Variants in CDYL2 observed in about 807,000 individuals in gnomAD.
CDYL2 encodes the protein chromodomain Y-like protein 2.
Under a neutral mutation model 49.4 loss-of-function variants are expected in CDYL2, and 23 were observed. The ratio of observed to expected loss-of-function variants is 0.47; its 90% CI spans 0.34 to 0.66. CDYL2 has a LOEUF of 0.66. Ranked by LOEUF, CDYL2 falls within the 30% of genes least tolerant of loss-of-function variation. CDYL2 has a pLI of 0.01. For missense variants in CDYL2, 678 were observed against 656.4 expected, an observed-to-expected ratio of 1.03 and a Z score of -0.36; for synonymous variants, 360 against 268.8, an observed-to-expected ratio of 1.34 and a Z score of -3.32.
At chr16:80,713,494 C>A (rs1205679500) in intron 1 of CDYL2, among the ~76,000 whole-genome samples, 2 of 152,110 alleles carry the variant, frequency 1.3e-5, no homozygotes, top group East Asian at 3.9e-4. Context: ...GCCCAGAGCA[C>A]CAAAGGTCCC....
chr16:80,723,845 G>A (rs891206647), intron 1 of CDYL2, among the ~76,000 whole-genome samples: 7 of 151,914 alleles, frequency 4.6e-5, no homozygotes, highest in African/African-American at 9.7e-5. Context: ...AGAAACAGAG[G>A]AGAGTGAGGA....
chr16:80,687,444 G>T (rs1230958062), intron 1 of CDYL2, among the ~76,000 whole-genome samples: 1 of 152,098 alleles, frequency 6.6e-6, no homozygotes, highest in African/African-American at 2.4e-5. Context: ...ATGGTGGGAT[G>T]TATGGGTGAC....
intron 1 of CDYL2, among the ~76,000 whole-genome samples, chr16:80,715,124 C>A (rs181698723): frequency 6.6e-6 from 1 of 152,060 alleles, no homozygotes; most frequent in Non-Finnish European, 1.5e-5. Flanking sequence ...AACTGCAGTA[C>A]GGTACACAAG....
intron 4 of CDYL2, among the ~76,000 whole-genome samples, chr16:80,619,649 G>A (rs1046140459): frequency 6.6e-6 from 1 of 152,192 alleles, no homozygotes; most frequent in Non-Finnish European, 1.5e-5. Context: ...CGCAAACTGT[G>A]TGGGCACAGC....
At chr16:80,701,846 A>T (rs7197106) in intron 1 of CDYL2, among the ~76,000 whole-genome samples, 78,000 of 152,028 alleles carry the variant, frequency 0.51, 21,433 homozygotes, top group Middle Eastern at 0.7. Flanking sequence ...GAGATTTTTG[A>T]AAAAGAAGAA....
chr16:80,804,835 G>A (rs1333579523), upstream of CDYL2, among the ~76,000 whole-genome samples: 2 of 151,280 alleles, frequency 1.3e-5, no homozygotes, highest in African/African-American at 2.4e-5. Context: ...GCCAGGTAGA[G>A]GGCTGCGGCT....
intron 1 of CDYL2, among the ~76,000 whole-genome samples, chr16:80,710,345 C>T (rs1904553150): frequency 6.6e-6 from 1 of 152,134 alleles, no homozygotes; most frequent in Non-Finnish European, 1.5e-5. Flanking sequence ...TTGGTACAAC[C>T]CTTCCAGCAG....
intron 2 of CDYL2, among the ~76,000 whole-genome samples, chr16:80,638,276 T>C (rs1421990665): frequency 6.6e-6 from 1 of 152,180 alleles, no homozygotes; most frequent in Non-Finnish European, 1.5e-5. Flanking sequence ...GGTCTCACTA[T>C]GTTGCCTAGG....
intron 1 of CDYL2, among the ~76,000 whole-genome samples, chr16:80,729,865 G>A (rs144075101): frequency 0.014 from 2,118 of 152,180 alleles, 47 homozygotes; most frequent in African/African-American, 0.048. Flanking sequence ...GGTGCATAAC[G>A]AAATGAAGGC....
chr16:80,723,524 G>A (rs988962556), intron 1 of CDYL2, among the ~76,000 whole-genome samples: 7 of 152,130 alleles, frequency 4.6e-5, no homozygotes, highest in Non-Finnish European at 8.8e-5. Flanking sequence ...CCACAGCCCA[G>A]GTGAGACTGA....
chr16:80,687,295 G>A (rs1331174827), intron 1 of CDYL2, among the ~76,000 whole-genome samples: 2 of 152,134 alleles, frequency 1.3e-5, no homozygotes, highest in Non-Finnish European at 2.9e-5. Context: ...CTCACTTCCC[G>A]GGATGGAGAA....
chr16:80,669,744 C>T (rs944455104), intron 2 of CDYL2, among the ~76,000 whole-genome samples: 5 of 152,164 alleles, frequency 3.3e-5, no homozygotes, highest in Non-Finnish European at 5.9e-5. Context: ...CCTGCATGGT[C>T]GCTGCAAAAG....
intron 1 of CDYL2, among the ~76,000 whole-genome samples, chr16:80,771,627 C>G (rs984002923): frequency 6.6e-6 from 1 of 151,896 alleles, no homozygotes; most frequent in Non-Finnish European, 1.5e-5. Flanking sequence ...ATCACCTGAA[C>G]GCAGAAAATC....
At chr16:80,764,368 T>G (rs74030419) in intron 1 of CDYL2, among the ~76,000 whole-genome samples, 56 of 152,144 alleles carry the variant, frequency 3.7e-4, no homozygotes, top group African/African-American at 1.4e-3. Context: ...AACTGAGCCA[T>G]GTGTCTTATT....
intron 1 of CDYL2, among the ~76,000 whole-genome samples, chr16:80,745,066 A>C (rs926413714): frequency 1.3e-5 from 2 of 152,196 alleles, no homozygotes; most frequent in Non-Finnish European, 2.9e-5. Context: ...CCCTCCATCG[A>C]GGAAGTGCAT....
intron 1 of CDYL2, among the ~76,000 whole-genome samples, chr16:80,795,974 T>C (rs1261625025): frequency 2.0e-5 from 3 of 152,232 alleles, no homozygotes; most frequent in Non-Finnish European, 4.4e-5. Context: ...AGCCATACAC[T>C]ATTACCAAAT....
intron 6 of CDYL2, 69 bp from the exon 7 acceptor site, chr16:80,604,615 C>T: frequency 6.4e-7 from 1 of 1,551,320 alleles, no homozygotes; most frequent in Non-Finnish European, 8.9e-7. Flanking sequence ...GGTACCTGGC[C>T]CATGGGGCAC....
At chr16:80,749,075 A>G (rs1454621619) in intron 1 of CDYL2, among the ~76,000 whole-genome samples, 2 of 152,218 alleles carry the variant, frequency 1.3e-5, no homozygotes, top group African/African-American at 4.8e-5. Flanking sequence ...AAATATATAT[A>G]GCAAAACAGA....
At chr16:80,766,835 C>CAAT (rs1206184029) in intron 1 of CDYL2, among the ~76,000 whole-genome samples, 1 of 152,220 alleles carries the variant, frequency 6.6e-6, no homozygotes, top group Non-Finnish European at 1.5e-5. Flanking sequence ...GTCGGCCACA[C>CAAT]AATCCTTGCA....
Sources: gnomAD v4.1 joint callset for allele counts (sites outside exome capture counted in the v4.1 genomes callset) on GRCh38, gnomAD v4.1.1 for gene constraint, MANE v1.5 for transcripts, NCBI Gene and HGNC (gene_info 2026-07-23, HGNC 2026-07-21) for gene names.